Variants in CDON observed in about 807,000 individuals in gnomAD.
CDON encodes the protein cell adhesion molecule-related/down-regulated by oncogenes.
A neutral mutation model predicts 120.9 loss-of-function variants in CDON; 73 were observed. The observed-to-expected ratio is 0.60, with a 90% confidence interval of 0.50 to 0.73. The LOEUF is 0.73. Among genes scored for constraint, CDON ranks in the 30% least tolerant of loss-of-function variants. CDON has a pLI of 0.00. For missense variants in CDON, 1,470 were observed against 1,587.3 expected (o/e 0.93, Z 1.26); for synonymous variants, 566 against 573.5 (o/e 0.99, Z 0.19).
Position 125,983,910 on chromosome 11 carries a change from A to G in CDON, c.2957T>C (p.Met986Thr). 6.2e-7 allele frequency: 1 copy of G among 1,614,092 alleles called. No individual in the cohort carries two copies. The highest frequency in any genetic ancestry group is 2.2e-5 in the East Asian group (1 of 44,878). The part of the protein sequence containing the change: ...MVLILMVFIA[M>T]CLWKNRQQNT... ...CTGCTGGCGATTCTTCCACAGGCAC[A>G]TTGCAATGAAAACCATCAGAATGAG... Residue 986 changes from methionine (M) to threonine (T), a missense_variant, in exon 16 of 20, where the codon ATG becomes ACG. Coordinates refer to ENST00000531738, the MANE Select transcript of CDON (RefSeq NM_001378964.1).
intron 1 of CDON, among the ~76,000 whole-genome samples, chr11:126,050,885 T>C (rs1425585571): frequency 1.3e-5 from 2 of 152,150 alleles, no homozygotes; most frequent in South Asian, 2.1e-4. Flanking sequence ...ACCATATTAG[T>C]TACTGTTAAA....
intron 10 of CDON, among the ~76,000 whole-genome samples, chr11:126,003,152 C>T (rs1448875437): frequency 3.3e-5 from 5 of 152,196 alleles, no homozygotes; most frequent in Non-Finnish European, 5.9e-5. Context: ...TTATAACTTA[C>T]GTGTAAGTCT....
chr11:125,981,377 C>T lies in CDON; in HGVS notation c.2996-48G>A, dbSNP rs3824922. ...ACACACACGCACACACACACACGCA[C>T]GCACACATGCACATACGCACACACG... On this transcript the variant is annotated intron_variant, in intron 16 of 19. Coordinates refer to ENST00000531738, the MANE Select transcript of CDON (RefSeq NM_001378964.1). 30 of 1,570,496 alleles carry T rather than the reference C, an allele frequency of 1.9e-5. No homozygotes were observed. The South Asian group carries it at 2.2e-4, about 12-fold the overall frequency.
intron 1 of CDON, among the ~76,000 whole-genome samples, chr11:126,026,126 G>A (rs1947786276): frequency 6.6e-6 from 1 of 152,196 alleles, no homozygotes; most frequent in South Asian, 2.1e-4. Flanking sequence ...ACAATAGAAT[G>A]CAATTCCCAG....
chr11:126,036,048 C>A (rs1948087170), intron 1 of CDON, among the ~76,000 whole-genome samples: 1 of 152,178 alleles, frequency 6.6e-6, no homozygotes, highest in Non-Finnish European at 1.5e-5. Flanking sequence ...AAGGTACATA[C>A]ACACACATAT....
At position 126,019,784 on chromosome 11, in the gene CDON, C is replaced by A. The variant is rs189909997; in HGVS notation, c.350-19G>T. The A allele has an allele frequency of 4.4e-6, 7 of 1,597,638 alleles. No homozygotes were observed. Among genetic ancestry groups the A allele is most frequent in the Non-Finnish European group, 6.0e-6 (7 of 1,166,634 alleles). On this transcript the variant is annotated intron_variant, in intron 3 of 19. Transcript: ENST00000531738. ...CCAAGAACTGAAATATATAAGGAAACAGATAAATAAATACATGCAAATTTG... is the reference window on the plus strand; with the variant it reads ...CCAAGAACTGAAATATATAAGGAAAAAGATAAATAAATACATGCAAATTTG...
At chr11:125,985,474 C>T (rs907071856) in intron 15 of CDON, among the ~76,000 whole-genome samples, 18 of 152,214 alleles carry the variant, frequency 1.2e-4, no homozygotes, top group African/African-American at 4.1e-4. Flanking sequence ...GCCACCGTGC[C>T]TAGCTAGTTT....
rs2134442998 is a variant in CDON, at chr11:125,981,184, G to A, written c.3141C>T (p.Ser1047=). ...CATTGGGGACCTTATGGTGAAGGTG[G>A]GAATAGCCACTGCTGAGACCGCCAT... The part of the protein sequence containing the change: ...LTNGGLSSGY[S]HLHHKVPNAV... Residue 1047 remains serine, a synonymous_variant, in exon 17 of 20, where the codon TCC becomes TCT. Coordinates refer to ENST00000531738, the MANE Select transcript of CDON (RefSeq NM_001378964.1). 6.2e-7 allele frequency: 1 copy of A among 1,614,164 alleles called. No individual in the cohort carries two copies. The highest frequency in any genetic ancestry group is 2.2e-5 in the East Asian group (1 of 44,884).
chr11:125,988,757 T>C (rs1946541168), intron 15 of CDON, among the ~76,000 whole-genome samples: 1 of 152,208 alleles, frequency 6.6e-6, no homozygotes, highest in South Asian at 2.1e-4. Context: ...TGAATCTACC[T>C]ATGTAGGCAG....
At chr11:126,026,101 T>TA (rs1178073765) in intron 1 of CDON, among the ~76,000 whole-genome samples, 7 of 152,250 alleles carry the variant, frequency 4.6e-5, no homozygotes, top group Admixed American at 2.6e-4. Context: ...AAATGTTTCT[T>TA]AAAATGAAAG....
intron 15 of CDON, among the ~76,000 whole-genome samples, chr11:125,986,762 T>A (rs1254944463): frequency 7.7e-6 from 1 of 130,234 alleles, no homozygotes; most frequent in African/African-American, 3.4e-5. Flanking sequence ...TGAGACTCCA[T>A]CTCAAAAAAA....
chr11:125,967,100 A>T (rs1403022729), intron 18 of CDON, among the ~76,000 whole-genome samples: 1 of 152,194 alleles, frequency 6.6e-6, no homozygotes, highest in Non-Finnish European at 1.5e-5. Flanking sequence ...ATAAATATGG[A>T]TTGCAAAAGC....
chr11:126,008,351 G>A (rs1417634802), intron 8 of CDON, among the ~76,000 whole-genome samples: 1 of 152,100 alleles, frequency 6.6e-6, no homozygotes, highest in East Asian at 1.9e-4. Flanking sequence ...GTCATGTATT[G>A]TTTTGAGTTT....
intron 13 of CDON, 72 bp downstream of exon 13, chr11:125,994,799 G>T: frequency 2.3e-6 from 3 of 1,331,182 alleles, no homozygotes; most frequent in Non-Finnish European, 3.2e-6. Flanking sequence ...ACTGTATTGT[G>T]TCATGAGAAT....
chr11:125,958,617 C>G lies in CDON; in HGVS notation c.*2325G>C, dbSNP rs970423873. 2 of 141,048 alleles carry G rather than the reference C, an allele frequency of 1.4e-5. No homozygotes were observed. The highest frequency in any genetic ancestry group is 1.4e-4 in the Admixed American group (2 of 13,798). 8.7% of individuals were successfully genotyped at this position (141,048 alleles called of 1,614,324 possible). A position where few individuals can be genotyped will look rare whatever the true frequency, so the allele number is the denominator to read the frequency against. Reference sequence around the variant, plus strand: ...TTTATATATATATATTTATATATTTCAATATATAAAGGCATTTTTTATAAA... The same window carrying G: ...TTTATATATATATATTTATATATTTGAATATATAAAGGCATTTTTTATAAA... On this transcript the variant is annotated 3_prime_UTR_variant, in exon 20 of 20. Coordinates refer to ENST00000531738, the MANE Select transcript of CDON (RefSeq NM_001378964.1).
intron 14 of CDON, among the ~76,000 whole-genome samples, chr11:125,993,424 C>CAA (rs1946688897): frequency 1.4e-5 from 2 of 146,924 alleles, no homozygotes; most frequent in Non-Finnish European, 1.5e-5. Context: ...CACACACACA[C>CAA]AACCACGTGC....
At chr11:126,022,941 G>T (rs892546788) in intron 2 of CDON, among the ~76,000 whole-genome samples, 3 of 152,148 alleles carry the variant, frequency 2.0e-5, no homozygotes, top group Non-Finnish European at 4.4e-5. Flanking sequence ...ACCCAAAGAG[G>T]TAGACAATAA....
At chr11:126,007,016 T>G (rs1278411489) in intron 8 of CDON, among the ~76,000 whole-genome samples, 3 of 152,014 alleles carry the variant, frequency 2.0e-5, no homozygotes, top group East Asian at 1.9e-4. Context: ...AAAAAAATAA[T>G]AAGAAAGAAC....
At chr11:126,011,824 CGT>C (rs1371066270) in intron 7 of CDON, among the ~76,000 whole-genome samples, 5 of 152,276 alleles carry the variant, frequency 3.3e-5, no homozygotes, top group Admixed American at 6.5e-5. Flanking sequence ...TTTTTCATCT[CGT>C]CTTTCATATT....
Sources: allele counts gnomAD v4.1 joint callset (sites outside exome capture counted in the v4.1 genomes callset), GRCh38; gene constraint gnomAD v4.1.1; transcripts MANE v1.5; gene names NCBI Gene and HGNC (gene_info 2026-07-23, HGNC 2026-07-21).